TSHZ1: variants seen among roughly 807,000 people sequenced by gnomAD.
The protein encoded by TSHZ1 is teashirt zinc finger homeobox 1.
A neutral mutation model predicts 67.1 loss-of-function variants in TSHZ1; 12 were observed. The ratio of observed to expected loss-of-function variants is 0.18; its 90% confidence interval spans 0.11 to 0.29. TSHZ1 has a LOEUF of 0.29. Among genes scored for constraint, TSHZ1 ranks in the 10% least tolerant of loss-of-function variants. The pLI is 1.00. For missense variants in TSHZ1, 1,305 were observed against 1,413.9 expected, an observed-to-expected ratio of 0.92 and a Z score of 1.23; for synonymous variants, 632 against 622.4, an observed-to-expected ratio of 1.02 and a Z score of -0.23.
chr18:75,267,449 G>A (rs761962040), intron 1 of TSHZ1, among the ~76,000 whole-genome samples: 2 of 152,204 alleles, frequency 1.3e-5, no homozygotes, highest in South Asian at 2.1e-4. Context: ...GAGATGGAAC[G>A]CTGCTCATTG....
intron 1 of TSHZ1, among the ~76,000 whole-genome samples, chr18:75,272,946 A>G (rs1300015614): frequency 6.6e-6 from 1 of 152,174 alleles, no homozygotes; most frequent in Non-Finnish European, 1.5e-5. Flanking sequence ...CAAATTTGGG[A>G]ACATTGCAAA....
At chr18:75,236,669 CACTAGCAGT>C (rs1252048743) in intron 1 of TSHZ1, among the ~76,000 whole-genome samples, 1 of 152,130 alleles carries the variant, frequency 6.6e-6, no homozygotes, top group African/African-American at 2.4e-5. Flanking sequence ...GTGTCTGGAA[CACTAGCAGT>C]ACTGCCTGGC....
chr18:75,273,215 G>A (rs2023578628), intron 1 of TSHZ1, among the ~76,000 whole-genome samples: 1 of 152,222 alleles, frequency 6.6e-6, no homozygotes, highest in Non-Finnish European at 1.5e-5. Flanking sequence ...AGCGATAACA[G>A]TGAGGCAGCG....
intron 1 of TSHZ1, among the ~76,000 whole-genome samples, chr18:75,237,820 A>ATTTATTTG (rs2023096914): frequency 2.0e-5 from 3 of 151,184 alleles, no homozygotes; most frequent in Non-Finnish European, 4.4e-5. Context: ...TTATTTATTT[A>ATTTATTTG]TTTATTTTTG....
chr18:75,279,236 C>T (rs1225629064), intron 1 of TSHZ1, among the ~76,000 whole-genome samples: 1 of 152,082 alleles, frequency 6.6e-6, no homozygotes, highest in Non-Finnish European at 1.5e-5. Context: ...TTTATGCTTC[C>T]TCGCATCTCT....
At chr18:75,247,317 T>C (rs1351444260) in intron 1 of TSHZ1, among the ~76,000 whole-genome samples, 2 of 152,182 alleles carry the variant, frequency 1.3e-5, no homozygotes, top group Non-Finnish European at 2.9e-5. Context: ...AGGGCCACAC[T>C]GCTCCTGCCA....
intron 1 of TSHZ1, among the ~76,000 whole-genome samples, chr18:75,253,691 T>C (rs1342606203): frequency 2.6e-5 from 4 of 152,184 alleles, no homozygotes; most frequent in Non-Finnish European, 5.9e-5. Context: ...CACAATGAAA[T>C]AGTGAAAGCA....
intron 1 of TSHZ1, 28 bp from the exon 2 acceptor site, chr18:75,285,420 C>A (rs2023738555): frequency 7.0e-7 from 1 of 1,430,612 alleles, no homozygotes; most frequent in East Asian, 2.5e-5. Flanking sequence ...TTTACTTCTT[C>A]TAACTGGGTT....
chr18:75,236,850 A>G (rs1451208990), intron 1 of TSHZ1, among the ~76,000 whole-genome samples: 2 of 152,206 alleles, frequency 1.3e-5, no homozygotes, highest in Admixed American at 6.5e-5. Context: ...TAGTGCACAC[A>G]GGTTGATGTC....
At chr18:75,244,128 G>A (rs2023192860) in intron 1 of TSHZ1, among the ~76,000 whole-genome samples, 3 of 152,190 alleles carry the variant, frequency 2.0e-5, no homozygotes, top group South Asian at 2.1e-4. Flanking sequence ...TGAAGACAGC[G>A]TGGTGGAGCT....
intron 1 of TSHZ1, among the ~76,000 whole-genome samples, chr18:75,240,048 GTCCCCTCC>G (rs1315227806): frequency 6.6e-6 from 1 of 152,148 alleles, no homozygotes; most frequent in Non-Finnish European, 1.5e-5. Flanking sequence ...AGTGTTTGAT[GTCCCCTCC>G]TTGAGCCCAG....
intron 1 of TSHZ1, among the ~76,000 whole-genome samples, chr18:75,240,797 A>T (rs375419279): frequency 3.3e-5 from 5 of 152,180 alleles, no homozygotes; most frequent in East Asian, 1.9e-4. Context: ...CAACAAAAGG[A>T]TCCCATTGCA....
intron 1 of TSHZ1, among the ~76,000 whole-genome samples, chr18:75,226,902 G>T (rs2022933704): frequency 6.6e-6 from 1 of 152,134 alleles, no homozygotes; most frequent in Non-Finnish European, 1.5e-5. Flanking sequence ...AACCTTCACA[G>T]AATTAACCCT....
chr18:75,285,733 C>T lies in TSHZ1; in HGVS notation c.326C>T (p.Pro109Leu). ...DPQCPDSVSY[P>L]QDSLAQIKAV... ...CAGTGTCCCGACAGCGTCTCGTACC[C>T]CCAGGACAGCCTGGCACAGATCAAA... The change falls in exon 2 of 2, where the codon CCC (proline) becomes CTC (leucine). Residue 109 changes from proline (P) to leucine (L), a missense_variant. Coordinates refer to ENST00000580243, the MANE Select transcript of TSHZ1 (RefSeq NM_001308210.2). 1.2e-6 allele frequency: 2 copies of T among 1,614,108 alleles called. No homozygotes were observed. The highest frequency in any genetic ancestry group is 1.7e-6 in the Non-Finnish European group (2 of 1,180,002).
chr18:75,281,943 C>T lies in TSHZ1; in HGVS notation c.41-3505C>T, dbSNP rs1467014006. Among the ~76,000 whole-genome samples the T allele has an allele frequency of 1.3e-5, 2 of 152,166 alleles. No individual in the cohort carries two copies. Among genetic ancestry groups the T allele is most frequent in the Non-Finnish European group, 2.9e-5 (2 of 68,022 alleles). On this transcript the variant is annotated intron_variant, in intron 1 of 1. Transcript: ENST00000580243. This position sits in a 1 kb window ranked among gnomAD's most constrained non-coding sequence, Gnocchi z 5.3. The stretch of plus-strand genomic sequence containing the variant: ...GGTCAGAGGCTGCCTGATCACCCTG[C>T]TTTGCTTCTTCCCTGGGACATGAGT...
intron 1 of TSHZ1, among the ~76,000 whole-genome samples, chr18:75,259,091 C>T (rs1453860663): frequency 1.3e-5 from 2 of 152,182 alleles, no homozygotes; most frequent in African/African-American, 4.8e-5. Flanking sequence ...TATGTGCCCA[C>T]ATAGGTCTAT....
At chr18:75,253,567 T>C (rs143880308) in intron 1 of TSHZ1, among the ~76,000 whole-genome samples, 1 of 152,246 alleles carries the variant, frequency 6.6e-6, no homozygotes, top group East Asian at 1.9e-4. Flanking sequence ...GTAGAATCAG[T>C]GAGATACTGG....
intron 1 of TSHZ1, among the ~76,000 whole-genome samples, chr18:75,266,483 A>G (rs1248292485): frequency 6.6e-6 from 1 of 152,212 alleles, no homozygotes; most frequent in African/African-American, 2.4e-5. Flanking sequence ...CCTTGGCTAG[A>G]ATATTCATGA....
chr18:75,214,929 A>G (rs766822411), intron 1 of TSHZ1, among the ~76,000 whole-genome samples: 2 of 152,146 alleles, frequency 1.3e-5, no homozygotes, highest in African/African-American at 2.4e-5. Context: ...TCACGTTGAT[A>G]TTATACAGTC....
Sources: allele counts gnomAD v4.1 joint callset (sites outside exome capture counted in the v4.1 genomes callset), GRCh38; gene constraint gnomAD v4.1.1; non-coding constraint Gnocchi (gnomAD v3.1); transcripts MANE v1.5; gene names NCBI Gene and HGNC (gene_info 2026-07-23, HGNC 2026-07-21).